The following DNAAF4 variants were observed in gnomAD, a reference collection of about 807,000 sequenced individuals.
DNAAF4 encodes the protein dynein assembly factor 4, axonemal.
In DNAAF4, 43 loss-of-function variants were observed where a neutral mutation model predicts 51.8. That is an observed-to-expected ratio of 0.83 (90% CI 0.65 to 1.07). DNAAF4 has a LOEUF of 1.07. Ranked by LOEUF, DNAAF4 falls within the 50% of genes least tolerant of loss-of-function variation. The pLI is 0.00. For missense variants in DNAAF4, 581 were observed against 493.0 expected (o/e 1.18, Z -1.69); for synonymous variants, 194 against 165.6 (o/e 1.17, Z -1.32).
intron 1 of DNAAF4, among the ~76,000 whole-genome samples, chr15:55,504,520 T>C (rs1025095162): frequency 1.3e-5 from 2 of 152,162 alleles, no homozygotes; most frequent in Admixed American, 6.5e-5. Flanking sequence ...GACTTCAAAC[T>C]ATACTACAAG....
In DNAAF4 at chr15:55,504,367, A is replaced by G. The variant is rs796723392; in HGVS notation, c.-256+3755T>C. Among the ~76,000 whole-genome samples, 37 of 152,340 alleles carry G rather than the reference A, an allele frequency of 2.4e-4. 1 individual carries two copies. Among genetic ancestry groups the G allele is most frequent in the African/African-American group, 8.9e-4 (37 of 41,572 alleles). ...CTGCCCAAGGTAATTTATAGATTCA[A>G]TGCTATCCCCAACAAGCTACCAATG... On this transcript the variant is annotated intron_variant, in intron 1 of 9. Transcript: ENST00000321149.
chr15:55,497,558 T>A (rs1027540598), intron 3 of DNAAF4, among the ~76,000 whole-genome samples, 154 bp downstream of exon 3: 2 of 151,842 alleles, frequency 1.3e-5, no homozygotes, highest in African/African-American at 4.8e-5. Context: ...CGAGATCATG[T>A]CACTGCACTC....
In DNAAF4 at chr15:55,489,997, C is replaced by A. The variant is rs796170599; in HGVS notation, c.405+1126G>T. On this transcript the variant is annotated intron_variant, in intron 4 of 9. Transcript: ENST00000321149. ...CAAGCGATTTTCCTGCCTCAGCCTA[C>A]CGAGTAGCTGGGATTACAGGTGCCC... 3.4e-4 allele frequency among the ~76,000 whole-genome samples: 52 copies of A among 151,594 alleles called. 1 individual carries two copies. The highest frequency in any genetic ancestry group is 1.2e-3 in the African/African-American group (51 of 41,330).
intron 8 of DNAAF4, among the ~76,000 whole-genome samples, chr15:55,433,596 A>C (rs1316087327): frequency 2.1e-5 from 3 of 140,390 alleles, no homozygotes; most frequent in Non-Finnish European, 4.5e-5. Context: ...CCTGTACTCC[A>C]GCCTGGGCAA....
chr15:55,490,306 G>A (rs1348297500), intron 4 of DNAAF4, among the ~76,000 whole-genome samples: 17 of 151,974 alleles, frequency 1.1e-4, no homozygotes, highest in African/African-American at 3.9e-4. Context: ...GGTGCTTTTT[G>A]GGGGGTGATG....
rs1595963402 is a variant in DNAAF4 at position 55,501,781 on chromosome 15, G to A, written c.-255-3197C>T. Among the ~76,000 whole-genome samples, 8 of 151,322 alleles carry A rather than the reference G, an allele frequency of 5.3e-5. No homozygotes were observed. The South Asian group carries it at 1.7e-3, about 32-fold the overall frequency. ...CACTGGGCTGGGCGGGGTGGCTCAC[G>A]CCTGTAATCCCAGCACTTTGGGAGG... is the stretch of plus-strand genomic sequence containing the variant. On this transcript the variant is annotated intron_variant, in intron 1 of 9. Transcript: ENST00000321149.
chr15:55,438,850 C>T (rs911971349), intron 7 of DNAAF4, among the ~76,000 whole-genome samples: 7 of 151,328 alleles, frequency 4.6e-5, no homozygotes, highest in African/African-American at 1.7e-4. Context: ...GCAAAAAGCC[C>T]GTTTTTATGG....
chr15:55,488,133 T>G (rs78906874), intron 4 of DNAAF4, among the ~76,000 whole-genome samples: 6,612 of 142,612 alleles, frequency 0.046, 167 homozygotes, highest in Non-Finnish European at 0.069. Flanking sequence ...TTTTTTTTTT[T>G]GCTGCGTAAG....
downstream of DNAAF4, among the ~76,000 whole-genome samples, chr15:55,427,275 C>T (rs964121163): frequency 2.6e-5 from 4 of 152,040 alleles, no homozygotes; most frequent in African/African-American, 4.8e-5. Context: ...ACCATCTTGG[C>T]CAGGCTGTTC....
At chr15:55,441,337 T>G (rs1405098819) in intron 6 of DNAAF4, among the ~76,000 whole-genome samples, 1 of 152,230 alleles carries the variant, frequency 6.6e-6, no homozygotes, top group East Asian at 1.9e-4. Flanking sequence ...CCCAAAGTGC[T>G]GGGATTACAG....
Position 55,430,630 on chromosome 15 carries a change from T to TA in DNAAF4, c.*39dup. 1 of 1,594,886 alleles carries TA rather than the reference T, an allele frequency of 6.3e-7. No individual in the cohort carries two copies. The highest frequency in any genetic ancestry group is 2.3e-5 in the East Asian group (1 of 44,210). On this transcript the variant is annotated 3_prime_UTR_variant, in exon 10 of 10. Coordinates refer to ENST00000321149, the MANE Select transcript of DNAAF4 (RefSeq NM_130810.4). Reference sequence around the variant, plus strand: ...GTACAAAGATGCCTCCAGTTGTTTTTAAAAAACTTATAACAATACTTAGTT... The same window carrying TA: ...GTACAAAGATGCCTCCAGTTGTTTTTAAAAAAACTTATAACAATACTTAGTT...
At chr15:55,441,400 A>G (rs965887838) in intron 6 of DNAAF4, among the ~76,000 whole-genome samples, 2 of 152,018 alleles carry the variant, frequency 1.3e-5, no homozygotes, top group Admixed American at 1.3e-4. Flanking sequence ...TTTCTGGGTT[A>G]TAATATTTTC....
At chr15:55,435,623 G>T (rs926063301) in intron 7 of DNAAF4, among the ~76,000 whole-genome samples, 1 of 152,144 alleles carries the variant, frequency 6.6e-6, no homozygotes, top group African/African-American at 2.4e-5. Flanking sequence ...ACCTTTAGCT[G>T]TTTAGTTATA....
At chr15:55,444,478 G>A (rs1324948300) in intron 6 of DNAAF4, among the ~76,000 whole-genome samples, 1 of 152,170 alleles carries the variant, frequency 6.6e-6, no homozygotes, top group African/African-American at 2.4e-5. Context: ...CAGGTGGCAT[G>A]ATGCCTCCAG....
chr15:55,418,617 T>C (rs2141376991), intron 7 of DNAAF4: 2 of 1,256,238 alleles, frequency 1.6e-6, no homozygotes, highest in East Asian at 2.6e-5. Context: ...TCGGGAAAAA[T>C]GAGTGTTAAA....
At position 55,418,377 on chromosome 15, in the gene DNAAF4, T is replaced by C. The variant is rs1417045049; in HGVS notation, c.1048-244A>G. On this transcript the variant is annotated intron_variant, in intron 7 of 7. Coordinates refer to the DNAAF4 transcript ENST00000448430. ...TCACTATCAAAACCTCAAATGATTA[T>C]GTATAAAACCAATTCAAGTCATTAT... 4.6e-6 allele frequency: 7 copies of C among 1,536,310 alleles called. No individual in the cohort carries two copies. In the South Asian group the frequency reaches 6.0e-5, roughly 13 times the overall value.
At chr15:55,438,145 C>T (rs58734748) in intron 7 of DNAAF4, among the ~76,000 whole-genome samples, 27,045 of 151,496 alleles carry the variant, frequency 0.18, 4,167 homozygotes, top group African/African-American at 0.42. Context: ...TCAAGGTGCG[C>T]GGATCACCTG....
chr15:55,436,253 T>C (rs2057608512), intron 7 of DNAAF4, among the ~76,000 whole-genome samples: 1 of 152,228 alleles, frequency 6.6e-6, no homozygotes, highest in African/African-American at 2.4e-5. Flanking sequence ...TGAAGTGGCA[T>C]CTCATAGTGG....
At chr15:55,491,619 T>A (rs570547951) in intron 3 of DNAAF4, among the ~76,000 whole-genome samples, 1 of 145,738 alleles carries the variant, frequency 6.9e-6, no homozygotes, top group East Asian at 2.0e-4. Flanking sequence ...CTGATCACAA[T>A]AAATCATCAT....
Sources: allele counts gnomAD v4.1 joint callset (sites outside exome capture counted in the v4.1 genomes callset), GRCh38; gene constraint gnomAD v4.1.1; transcripts MANE v1.5; gene names NCBI Gene and HGNC (gene_info 2026-07-23, HGNC 2026-07-21).